MARCHF1: variants seen among roughly 807,000 people sequenced by gnomAD.
The protein encoded by MARCHF1 is membrane associated ring-CH-type finger 1, also known as E3 ubiquitin-protein ligase MARCHF1.
Under a neutral mutation model 54.2 loss-of-function variants are expected in MARCHF1, and 40 were observed. The ratio of observed to expected loss-of-function variants is 0.74; its 90% CI spans 0.57 to 0.96. MARCHF1 has a LOEUF of 0.96. MARCHF1 is among the 40% of genes least tolerant of loss of function. MARCHF1 has a pLI of 0.00. For synonymous variants in MARCHF1, 236 were observed against 236.3 expected, an observed-to-expected ratio of 1.00 and a Z score of 0.01; for missense variants, 586 against 656.5, an observed-to-expected ratio of 0.89 and a Z score of 1.17.
intron 3 of MARCHF1, among the ~76,000 whole-genome samples, chr4:163,962,246 G>T (rs945617405): frequency 2.0e-5 from 3 of 151,812 alleles, no homozygotes; most frequent in African/African-American, 2.4e-5. Context: ...GGTGGTCTTA[G>T]ACACTAAAAG....
At chr4:163,739,588 C>A (rs147060437) in intron 4 of MARCHF1, among the ~76,000 whole-genome samples, 14 of 152,032 alleles carry the variant, frequency 9.2e-5, no homozygotes, top group Admixed American at 9.2e-4. Context: ...CAAGTTTTAA[C>A]GAACACTCTT....
chr4:164,245,137 C>G (rs1407671224), intron 1 of MARCHF1, among the ~76,000 whole-genome samples: 1 of 152,140 alleles, frequency 6.6e-6, no homozygotes, highest in African/African-American at 2.4e-5. Flanking sequence ...ATACCAAAGC[C>G]AGGCAGAGAC....
chr4:163,647,914 A>G (rs1409397988), intron 5 of MARCHF1, among the ~76,000 whole-genome samples: 2 of 151,736 alleles, frequency 1.3e-5, no homozygotes, highest in African/African-American at 4.8e-5. Flanking sequence ...AGAGAAAAAT[A>G]AATAAAATAA....
intron 5 of MARCHF1, among the ~76,000 whole-genome samples, chr4:163,617,459 T>C (rs1018218929): frequency 6.6e-6 from 1 of 152,172 alleles, no homozygotes; most frequent in East Asian, 1.9e-4. Flanking sequence ...CTACAAATTG[T>C]ATACAAATAT....
At chr4:163,530,372 C>T (rs1256392888) in intron 9 of MARCHF1, 1 of 151,920 alleles carries the variant, frequency 6.6e-6, no homozygotes, top group Non-Finnish European at 1.5e-5. Context: ...TGTTTTTTCT[C>T]CATGAACAAA....
intron 4 of MARCHF1, among the ~76,000 whole-genome samples, chr4:163,734,547 C>CAAAAAAAA (rs71600634): frequency 6.9e-6 from 1 of 145,438 alleles, no homozygotes. Context: ...AAAGCTAGAC[C>CAAAAAAAA]AAAAAAAGAA....
rs762343005 is a variant in MARCHF1 at position 163,613,199 on chromosome 4, A to C, written c.242+115T>G. 66 of 1,318,528 alleles carry C rather than the reference A, an allele frequency of 5.0e-5. 1 individual carries two copies. The highest frequency in any genetic ancestry group is 6.6e-5 in the Non-Finnish European group (65 of 979,366). The allele number at this position is 1,318,528 out of a possible 1,614,324, so 81.7% of individuals were successfully genotyped here. On this transcript the variant is annotated intron_variant, in intron 6 of 9. Coordinates refer to ENST00000514618, the MANE Select transcript of MARCHF1 (RefSeq NM_001394959.1). Reference sequence around the variant, plus strand: ...AAATGAAAAAAAATAGCCAGTATAAATTTTCTATGGACCATGTAAAGCAGA... The same window carrying C: ...AAATGAAAAAAAATAGCCAGTATAACTTTTCTATGGACCATGTAAAGCAGA...
chr4:163,606,998 C>T (rs137908366), intron 7 of MARCHF1, among the ~76,000 whole-genome samples: 12 of 152,000 alleles, frequency 7.9e-5, no homozygotes, highest in African/African-American at 2.4e-4. Flanking sequence ...AATGTAAGCC[C>T]GAAGCTACCT....
At chr4:163,615,922 T>C (rs1310043614) in intron 5 of MARCHF1, among the ~76,000 whole-genome samples, 2 of 152,120 alleles carry the variant, frequency 1.3e-5, no homozygotes, top group East Asian at 1.9e-4. Flanking sequence ...AAATTATCCA[T>C]GTATTTATAG....
chr4:164,107,357 A>G (rs138626110), intron 2 of MARCHF1, among the ~76,000 whole-genome samples: 8 of 152,008 alleles, frequency 5.3e-5, no homozygotes, highest in Non-Finnish European at 8.8e-5. Flanking sequence ...GGGGATATTA[A>G]TTTCTTTTCT....
chr4:163,824,366 C>A (rs1748784296), intron 4 of MARCHF1, among the ~76,000 whole-genome samples: 1 of 150,602 alleles, frequency 6.6e-6, no homozygotes, highest in Non-Finnish European at 1.5e-5. Context: ...CTTTGACAAA[C>A]CTGAGAAAAA....
chr4:163,770,651 T>A (rs1198122524), intron 4 of MARCHF1, among the ~76,000 whole-genome samples: 1 of 152,162 alleles, frequency 6.6e-6, no homozygotes, highest in Middle Eastern at 3.2e-3. Flanking sequence ...AGGTCTTTTT[T>A]TTATCTGTCT....
At chr4:163,739,071 C>G (rs1200058916) in intron 4 of MARCHF1, among the ~76,000 whole-genome samples, 1 of 152,164 alleles carries the variant, frequency 6.6e-6, no homozygotes, top group Admixed American at 6.5e-5. Flanking sequence ...TCATGGAAAT[C>G]AAATACCTCA....
At chr4:163,962,977 T>C (rs947878446) in intron 3 of MARCHF1, among the ~76,000 whole-genome samples, 1 of 151,890 alleles carries the variant, frequency 6.6e-6, no homozygotes, top group Non-Finnish European at 1.5e-5. Context: ...AATATCCACA[T>C]TTATTTCCAC....
intron 1 of MARCHF1, among the ~76,000 whole-genome samples, chr4:164,187,609 C>T (rs1315115521): frequency 6.6e-6 from 1 of 152,124 alleles, no homozygotes; most frequent in Non-Finnish European, 1.5e-5. Flanking sequence ...CTGACTGAAT[C>T]TATGGAAGCC....
intron 5 of MARCHF1, among the ~76,000 whole-genome samples, chr4:163,633,322 A>G (rs1165706110): frequency 2.6e-5 from 4 of 152,114 alleles, no homozygotes; most frequent in Non-Finnish European, 5.9e-5. Flanking sequence ...CATTCAAACC[A>G]AAGGCAAAGA....
chr4:163,581,031 T>C lies in MARCHF1; in HGVS notation c.1191+4718A>G, dbSNP rs186821819. 4.3e-3 allele frequency among the ~76,000 whole-genome samples: 187 copies of C among 43,466 alleles called. 58 individuals carry two copies. In the East Asian group the frequency reaches 0.12, roughly 27 times the overall value. 28.5% of individuals were successfully genotyped at this position (43,466 alleles called of 152,430 possible). A position where few individuals can be genotyped will look rare whatever the true frequency, so the allele number is the denominator to read the frequency against. On this transcript the variant is annotated intron_variant, in intron 8 of 9. Coordinates refer to ENST00000514618, the MANE Select transcript of MARCHF1 (RefSeq NM_001394959.1). ...GTTAGCCAGGATGGTCTCGATCTCC[T>C]GACCTCATGATCCACCCGCCTCGGC...
chr4:164,147,408 G>C (rs1326251118), intron 1 of MARCHF1, among the ~76,000 whole-genome samples: 1 of 141,036 alleles, frequency 7.1e-6, no homozygotes, highest in Non-Finnish European at 1.5e-5. Context: ...CAATAGCAAA[G>C]ACTTGGAACT....
intron 1 of MARCHF1, among the ~76,000 whole-genome samples, chr4:164,336,230 C>T (rs957249625): frequency 6.6e-6 from 1 of 152,184 alleles, no homozygotes; most frequent in Non-Finnish European, 1.5e-5. Flanking sequence ...TCCTGAAAGA[C>T]AGCCCATGTC....
Sources: allele counts gnomAD v4.1 joint callset (sites outside exome capture counted in the v4.1 genomes callset), GRCh38; gene constraint gnomAD v4.1.1; transcripts MANE v1.5; gene names NCBI Gene and HGNC (gene_info 2026-07-23, HGNC 2026-07-21).